TECRL: variants seen among roughly 807,000 people sequenced by gnomAD.
TECRL encodes the protein trans-2,3-enoyl-CoA reductase-like.
TECRL carries 63 observed loss-of-function variants against 52.8 expected under a neutral mutation model. The observed-to-expected ratio is 1.19, with a 90% CI of 0.97 to 1.47. The LOEUF (loss-of-function observed/expected upper bound fraction) is 1.47, where lower values mean the gene tolerates loss of function less well. Ranked by LOEUF, TECRL falls within the 40% of genes most tolerant of loss-of-function variation. TECRL has a pLI of 0.00. For synonymous variants in TECRL, 164 were observed against 141.9 expected (o/e 1.16, Z -1.10); for missense variants, 482 against 429.6 (o/e 1.12, Z -1.08).
At chr4:64,347,682 C>G (rs2109558414) in intron 2 of TECRL, among the ~76,000 whole-genome samples, 1 of 152,170 alleles carries the variant, frequency 6.6e-6, no homozygotes, top group Admixed American at 6.5e-5. Flanking sequence ...CATCACAACT[C>G]ATTCACTATC....
chr4:64,289,689 GA>G lies in TECRL; in HGVS notation c.832+20del. ...TTAACATAATTCACTCTAAAGAAAA[GA>G]AAAAGAAAAAAGAACTAACCTGTGT... On this transcript the variant is annotated intron_variant, in intron 9 of 11. Transcript: ENST00000381210. 6.7e-7 allele frequency: 1 copy of G among 1,492,480 alleles called. No individual in the cohort carries two copies. Among genetic ancestry groups the G allele is most frequent in the Admixed American group, 2.6e-5 (1 of 37,862 alleles). 92.5% of individuals were successfully genotyped at this position (1,492,480 alleles called of 1,614,324 possible).
intron 5 of TECRL, 63 bp downstream of exon 5, chr4:64,314,585 T>C: frequency 8.7e-7 from 1 of 1,150,014 alleles, no homozygotes; most frequent in South Asian, 1.3e-5. Flanking sequence ...CTCCTTAACG[T>C]GTATGGTGTG....
intron 7 of TECRL, among the ~76,000 whole-genome samples, chr4:64,303,465 G>T (rs1487711448): frequency 1.3e-5 from 2 of 151,672 alleles, no homozygotes; most frequent in Non-Finnish European, 3.0e-5. Flanking sequence ...TAACTGACTG[G>T]CTGTGGATTG....
chr4:64,404,766 G>T (rs189892383), intron 1 of TECRL, among the ~76,000 whole-genome samples: 1 of 152,068 alleles, frequency 6.6e-6, no homozygotes, highest in South Asian at 2.1e-4. Context: ...AAGGGTTTGA[G>T]AGAATGTCTT....
chr4:64,318,494 C>A (rs1717665471), intron 4 of TECRL, among the ~76,000 whole-genome samples: 1 of 151,836 alleles, frequency 6.6e-6, no homozygotes. Context: ...AAACCACCAA[C>A]TCAGATAAAA....
At chr4:64,333,739 GGCCGGGCGCGGTGGCTCACGCC>G (rs1718819094) in intron 2 of TECRL, among the ~76,000 whole-genome samples, 1 of 149,578 alleles carries the variant, frequency 6.7e-6, no homozygotes, top group Non-Finnish European at 1.5e-5. Flanking sequence ...AGAATGTCCT[GGCCGGGCGCGGTGGCTCACGCC>G]TGTAATCCCA....
At chr4:64,316,810 C>A (rs190594414) in intron 4 of TECRL, among the ~76,000 whole-genome samples, 1 of 152,202 alleles carries the variant, frequency 6.6e-6, no homozygotes, top group Admixed American at 6.5e-5. Flanking sequence ...ATTGAAATTT[C>A]AATTTATTTC....
At chr4:64,398,323 C>T (rs1724105721) in intron 1 of TECRL, among the ~76,000 whole-genome samples, 1 of 152,042 alleles carries the variant, frequency 6.6e-6, no homozygotes, top group Non-Finnish European at 1.5e-5. Flanking sequence ...AATGGAATCT[C>T]CAATACTGGA....
chr4:64,322,843 A>G (rs1413183813), intron 3 of TECRL, 51 bp from the exon 4 acceptor site: 1 of 1,325,044 alleles, frequency 7.5e-7, no homozygotes, highest in Admixed American at 2.1e-5. Flanking sequence ...TTCTTAGCAT[A>G]ACGATAAAGA....
At chr4:64,395,721 G>T (rs1174586604) in intron 1 of TECRL, among the ~76,000 whole-genome samples, 1 of 152,022 alleles carries the variant, frequency 6.6e-6, no homozygotes, top group African/African-American at 2.4e-5. Context: ...TGTTACGGGG[G>T]TAAACTGCAT....
At chr4:64,306,944 C>G (rs1265385559) in intron 6 of TECRL, among the ~76,000 whole-genome samples, 1 of 152,218 alleles carries the variant, frequency 6.6e-6, no homozygotes, top group Non-Finnish European at 1.5e-5. Flanking sequence ...TGCCAAGGTG[C>G]CTGACAAGGC....
chr4:64,408,672 C>T (rs1724893829), intron 1 of TECRL, among the ~76,000 whole-genome samples: 1 of 151,904 alleles, frequency 6.6e-6, no homozygotes, highest in African/African-American at 2.4e-5. Flanking sequence ...TTTTTTCAGA[C>T]ATATTACATG....
At chr4:64,408,760 A>G (rs951457567) in intron 1 of TECRL, among the ~76,000 whole-genome samples, 2 of 152,136 alleles carry the variant, frequency 1.3e-5, no homozygotes, top group Non-Finnish European at 2.9e-5. Flanking sequence ...ATTTGTATAT[A>G]CAATGAAGTA....
intron 2 of TECRL, among the ~76,000 whole-genome samples, chr4:64,340,527 A>G (rs531932713): frequency 6.6e-6 from 1 of 152,332 alleles, no homozygotes; most frequent in African/African-American, 2.4e-5. Context: ...AGCAGTGCTG[A>G]CACACCAGCC....
At chr4:64,292,146 G>T (rs1436764976) in intron 8 of TECRL, among the ~76,000 whole-genome samples, 1 of 151,922 alleles carries the variant, frequency 6.6e-6, no homozygotes, top group Non-Finnish European at 1.5e-5. Flanking sequence ...AAAACTCAAT[G>T]CATTGTTCTA....
intron 9 of TECRL, among the ~76,000 whole-genome samples, chr4:64,288,669 G>T (rs996318031): frequency 6.6e-6 from 1 of 152,030 alleles, no homozygotes; most frequent in Non-Finnish European, 1.5e-5. Context: ...AGCCAAACTT[G>T]CCCTCCCAAA....
Position 64,329,593 on chromosome 4 carries a change from G to A in TECRL, c.287-1037C>T, listed in dbSNP as rs142750820. On this transcript the variant is annotated intron_variant, in intron 2 of 11. Transcript: ENST00000381210. ...GGGTATTGTAAATGCATACACTGAC[G>A]TAAATTTAACTATCTAGAAAATATG... Among the ~76,000 whole-genome samples, 360 of 151,860 alleles carry A rather than the reference G, an allele frequency of 2.4e-3. 1 individual carries two copies. The highest frequency in any genetic ancestry group is 7.8e-3 in the African/African-American group (322 of 41,496).
chr4:64,300,726 A>G (rs1723970472), intron 7 of TECRL, among the ~76,000 whole-genome samples: 1 of 150,882 alleles, frequency 6.6e-6, no homozygotes, highest in African/African-American at 2.4e-5. Context: ...TTATATAAAC[A>G]CATTTGCATC....
chr4:64,277,612 C>A (rs917572516), downstream of TECRL: 1 of 151,668 alleles, frequency 6.6e-6, no homozygotes, highest in Admixed American at 6.6e-5. Context: ...TATAGACCTG[C>A]TTTACAATAT....
Sources: allele counts gnomAD v4.1 joint callset (sites outside exome capture counted in the v4.1 genomes callset), GRCh38; gene constraint gnomAD v4.1.1; transcripts MANE v1.5; gene names NCBI Gene and HGNC (gene_info 2026-07-23, HGNC 2026-07-21).